The following USP43 variants were observed in gnomAD, a reference collection of about 807,000 sequenced individuals.
The protein encoded by USP43 is ubiquitin carboxyl-terminal hydrolase 43.
Under a neutral mutation model 90.7 loss-of-function variants are expected in USP43, and 33 were observed. The ratio of observed to expected loss-of-function variants is 0.36; its 90% CI spans 0.28 to 0.49. USP43 has a LOEUF of 0.49. USP43 is among the 20% of genes least tolerant of loss of function. USP43 has a pLI of 0.98. For missense variants in USP43, 1,274 were observed against 1,476.4 expected, an observed-to-expected ratio of 0.86 and a Z score of 2.25; for synonymous variants, 598 against 615.8, an observed-to-expected ratio of 0.97 and a Z score of 0.43.
intron 14 of USP43, among the ~76,000 whole-genome samples, chr17:9,712,904 C>G (rs140979444): frequency 1.3e-5 from 2 of 152,056 alleles, no homozygotes; most frequent in Non-Finnish European, 2.9e-5. Flanking sequence ...TTGATACATG[C>G]GTACAATGTG....
At chr17:9,654,197 A>G (rs1309753832) in intron 1 of USP43, among the ~76,000 whole-genome samples, 2 of 152,142 alleles carry the variant, frequency 1.3e-5, no homozygotes, top group Admixed American at 1.3e-4. Flanking sequence ...AAATTGAATA[A>G]CTTTTTAGTG....
intron 4 of USP43, among the ~76,000 whole-genome samples, chr17:9,675,835 C>T (rs1246149631): frequency 6.6e-6 from 1 of 152,198 alleles, no homozygotes; most frequent in Non-Finnish European, 1.5e-5. Flanking sequence ...GTGACACCAT[C>T]AGATAATGTC....
At chr17:9,691,983 A>G (rs886838248) in intron 8 of USP43, among the ~76,000 whole-genome samples, 1 of 150,772 alleles carries the variant, frequency 6.6e-6, no homozygotes, top group Admixed American at 6.6e-5. Flanking sequence ...CAGAGCTTGC[A>G]GTGAGCTGAG....
At chr17:9,681,390 TATAG>T (rs1420108835) in intron 6 of USP43, among the ~76,000 whole-genome samples, 138 of 115,246 alleles carry the variant, frequency 1.2e-3, no homozygotes, top group African/African-American at 4.1e-3. Flanking sequence ...ATAAATATAA[TATAG>T]ATAAATATGT....
chr17:9,697,218 AAAAT>A (rs1024126828), intron 9 of USP43, among the ~76,000 whole-genome samples: 1 of 152,114 alleles, frequency 6.6e-6, no homozygotes, highest in Admixed American at 6.5e-5. Flanking sequence ...CTCTGTCTCA[AAAAT>A]AAATAAATAA....
intron 14 of USP43, among the ~76,000 whole-genome samples, chr17:9,720,740 G>A (rs147451860): frequency 0.031 from 4,770 of 152,030 alleles, 95 homozygotes; most frequent in African/African-American, 0.048. Context: ...TGCCCACCTC[G>A]GCCTCCCACA....
intron 14 of USP43, among the ~76,000 whole-genome samples, chr17:9,725,862 T>C (rs984589363): frequency 6.6e-6 from 1 of 152,136 alleles, no homozygotes; most frequent in Non-Finnish European, 1.5e-5. Flanking sequence ...ATACAAAGCG[T>C]CCCTTTCTGC....
intron 14 of USP43, among the ~76,000 whole-genome samples, chr17:9,720,275 G>A (rs1219227082): frequency 6.5e-5 from 9 of 138,568 alleles, no homozygotes; most frequent in Non-Finnish European, 9.2e-5. Flanking sequence ...GCAGTGAGCC[G>A]AGGTTGCGCC....
chr17:9,716,970 T>C (rs1477652671), intron 14 of USP43, among the ~76,000 whole-genome samples: 2 of 152,062 alleles, frequency 1.3e-5, no homozygotes, highest in Non-Finnish European at 2.9e-5. Context: ...ACCCCGTCTC[T>C]ACTAAAAATA....
chr17:9,693,242 G>A lies in USP43; in HGVS notation c.1457+12G>A. ...TGGGCAGTTGACAGGTAAGGGGGAAGGTCCAGGTTCAGTCAGCTAATGAAC... is the reference window on the plus strand; with the variant it reads ...TGGGCAGTTGACAGGTAAGGGGGAAAGTCCAGGTTCAGTCAGCTAATGAAC... On this transcript the variant is annotated intron_variant, in intron 9 of 14. Coordinates refer to ENST00000285199, the MANE Select transcript of USP43 (RefSeq NM_153210.5). The A allele has an allele frequency of 6.2e-7, 1 of 1,605,530 alleles. No individual in the cohort carries two copies. The highest frequency in any genetic ancestry group is 1.3e-5 in the African/African-American group (1 of 74,890).
At chr17:9,690,337 C>G (rs1402319231) in intron 8 of USP43, among the ~76,000 whole-genome samples, 1 of 152,044 alleles carries the variant, frequency 6.6e-6, no homozygotes. Flanking sequence ...TATTTTATTT[C>G]TGGTTGTCAA....
At chr17:9,689,971 G>C (rs1914836447) in intron 8 of USP43, among the ~76,000 whole-genome samples, 1 of 152,156 alleles carries the variant, frequency 6.6e-6, no homozygotes, top group African/African-American at 2.4e-5. Flanking sequence ...CTTACTTCCA[G>C]ACGTTGATTT....
chr17:9,709,849 T>C lies in USP43; in HGVS notation c.2012-107T>C. 1 of 1,213,480 alleles carries C rather than the reference T, an allele frequency of 8.2e-7. No homozygotes were observed. The highest frequency in any genetic ancestry group is 1.1e-6 in the Non-Finnish European group (1 of 950,054). The allele number at this position is 1,213,480 out of a possible 1,614,324, so 75.2% of individuals were successfully genotyped here. A position where few individuals can be genotyped will look rare whatever the true frequency, so the allele number is the denominator to read the frequency against. On this transcript the variant is annotated intron_variant, in intron 12 of 14. Coordinates refer to ENST00000285199, the MANE Select transcript of USP43 (RefSeq NM_153210.5). The surrounding 1 kb of genome is among the most constrained non-coding windows in gnomAD (Gnocchi z 5.0). ...TTCTGGCCAAAAATGGACTGTTTTT[T>C]TCTCATTCTGGTTTAAACATACCGC...
chr17:9,668,855 A>T (rs1913209728), intron 3 of USP43, among the ~76,000 whole-genome samples: 1 of 148,750 alleles, frequency 6.7e-6, no homozygotes, highest in African/African-American at 2.6e-5. Context: ...TTATTTATTG[A>T]GACAGAGTCT....
intron 2 of USP43, among the ~76,000 whole-genome samples, chr17:9,662,430 T>C (rs116342539): frequency 6.6e-6 from 1 of 152,224 alleles, no homozygotes; most frequent in Non-Finnish European, 1.5e-5. Context: ...CTTTTGACTT[T>C]ACCTCTCTGT....
At chr17:9,667,051 C>G (rs1384810047) in intron 3 of USP43, among the ~76,000 whole-genome samples, 1 of 152,186 alleles carries the variant, frequency 6.6e-6, no homozygotes, top group African/African-American at 2.4e-5. Context: ...CAAGCAGTCA[C>G]TCTGAAGTTG....
At chr17:9,718,090 C>T (rs1916703250) in intron 14 of USP43, among the ~76,000 whole-genome samples, 1 of 151,948 alleles carries the variant, frequency 6.6e-6, no homozygotes, top group Non-Finnish European at 1.5e-5. Context: ...GCCACCGCGC[C>T]CAGCCGTAGC....
chr17:9,694,300 G>C (rs1213028838), intron 9 of USP43, among the ~76,000 whole-genome samples: 1 of 152,122 alleles, frequency 6.6e-6, no homozygotes, highest in African/African-American at 2.4e-5. Flanking sequence ...ATCCTCCTTG[G>C]CTGGCAGATG....
chr17:9,721,351 A>G (rs1054787093), intron 14 of USP43, among the ~76,000 whole-genome samples: 7 of 152,106 alleles, frequency 4.6e-5, no homozygotes, highest in African/African-American at 1.7e-4. Flanking sequence ...TCTTTGATCT[A>G]GAAGTTATCT....
Sources: allele counts gnomAD v4.1 joint callset (sites outside exome capture counted in the v4.1 genomes callset), GRCh38; gene constraint gnomAD v4.1.1; non-coding constraint Gnocchi (gnomAD v3.1); transcripts MANE v1.5; gene names NCBI Gene and HGNC (gene_info 2026-07-23, HGNC 2026-07-21).